The following TBXAS1 variants were observed in gnomAD, a reference collection of about 807,000 sequenced individuals.
TBXAS1 encodes the protein thromboxane-A synthase.
Under a neutral mutation model 60.7 loss-of-function variants are expected in TBXAS1, and 48 were observed. The ratio of observed to expected loss-of-function variants is 0.79; its 90% CI spans 0.63 to 1.01. The LOEUF (loss-of-function observed/expected upper bound fraction) is 1.01. Among genes scored for constraint, TBXAS1 ranks in the 50% least tolerant of loss-of-function variants. TBXAS1 has a pLI of 0.00. For synonymous variants in TBXAS1, 287 were observed against 269.7 expected, an observed-to-expected ratio of 1.06 and a Z score of -0.63; for missense variants, 685 against 686.3, an observed-to-expected ratio of 1.00 and a Z score of 0.02.
chr7:139,910,066 C>A (rs976148036), intron 3 of TBXAS1, among the ~76,000 whole-genome samples: 2 of 152,180 alleles, frequency 1.3e-5, no homozygotes, highest in African/African-American at 4.8e-5. Flanking sequence ...CTCTGGGAAG[C>A]CTTCAGTCTC....
In TBXAS1 at chr7:139,962,038, T is replaced by C. The variant is rs532938264; in HGVS notation, c.939T>C (p.Pro313=). 6.2e-7 allele frequency: 1 copy of C among 1,614,226 alleles called. No homozygotes were observed. The highest frequency in any genetic ancestry group is 8.5e-7 in the Non-Finnish European group (1 of 1,180,030). ...VFSSTGCKPN[P]SRQHQPSPMA... ...CCTCTACTGGGTGCAAGCCGAACCC[T>C]TCCCGGCAACACCAGCCCAGCCCTA... Residue 313 remains proline, a synonymous_variant, in exon 9 of 13, where the codon CCT becomes CCC. Transcript: ENST00000448866.
chr7:139,939,938 C>T (rs375785993), intron 5 of TBXAS1, among the ~76,000 whole-genome samples: 4 of 152,174 alleles, frequency 2.6e-5, no homozygotes, highest in Non-Finnish European at 5.9e-5. Context: ...AAACGTGAAA[C>T]CAATGTATGT....
intron 4 of TBXAS1, among the ~76,000 whole-genome samples, chr7:139,790,787 G>A (rs1797357995): frequency 6.6e-6 from 1 of 152,140 alleles, no homozygotes; most frequent in South Asian, 2.1e-4. Flanking sequence ...ATGATTGACT[G>A]ATACAGGTTT....
intron 4 of TBXAS1, among the ~76,000 whole-genome samples, chr7:139,927,520 T>C (rs1359369528): frequency 1.3e-5 from 2 of 152,204 alleles, no homozygotes; most frequent in Non-Finnish European, 2.9e-5. Flanking sequence ...TTATTTTCAA[T>C]TGGTTAATCT....
chr7:140,002,266 C>T (rs1353420790), intron 9 of TBXAS1, among the ~76,000 whole-genome samples: 1 of 152,208 alleles, frequency 6.6e-6, no homozygotes, highest in Non-Finnish European at 1.5e-5. Context: ...GCACCTGGTC[C>T]CGCACCTGAC....
intron 1 of TBXAS1, among the ~76,000 whole-genome samples, chr7:139,779,401 T>C (rs569319239): frequency 1.6e-4 from 24 of 152,298 alleles, no homozygotes; most frequent in African/African-American, 5.5e-4. Context: ...TCCCTTCTCT[T>C]AACCTAATGC....
chr7:139,863,536 A>T (rs544904980), intron 1 of TBXAS1, among the ~76,000 whole-genome samples: 1 of 152,354 alleles, frequency 6.6e-6, no homozygotes, highest in Admixed American at 6.5e-5. Context: ...TGTACATCTT[A>T]TAGCACATTG....
rs76649526 is a variant in TBXAS1, at chr7:140,000,902, A to C, written c.1135-6189A>C. Among the ~76,000 whole-genome samples the C allele has an allele frequency of 2.5e-3, 383 of 152,344 alleles. 1 individual carries two copies. The highest frequency in any genetic ancestry group is 8.9e-3 in the African/African-American group (368 of 41,572). On this transcript the variant is annotated intron_variant, in intron 9 of 12. Transcript: ENST00000448866. The stretch of plus-strand genomic sequence containing the variant: ...GTTCAAACAGAAATATCACCTGCTT[A>C]GGAGGTACTTTCCAGTTGCCAAAGA...
At chr7:139,958,551 A>C (rs1032934853) in intron 8 of TBXAS1, among the ~76,000 whole-genome samples, 2 of 152,264 alleles carry the variant, frequency 1.3e-5, no homozygotes, top group Non-Finnish European at 2.9e-5. Flanking sequence ...TGGCTCGTGC[A>C]AGATGCAACT....
At chr7:139,862,581 A>G (rs1801047365) in intron 1 of TBXAS1, among the ~76,000 whole-genome samples, 1 of 152,226 alleles carries the variant, frequency 6.6e-6, no homozygotes, top group Admixed American at 6.5e-5. Context: ...AAGAAAAATA[A>G]GGCAATGGCC....
intron 9 of TBXAS1, among the ~76,000 whole-genome samples, chr7:139,963,282 C>A (rs867592480): frequency 2.0e-5 from 3 of 152,288 alleles, no homozygotes; most frequent in African/African-American, 4.8e-5. Context: ...ATTTATTGAG[C>A]CTAGACGGAA....
At chr7:139,875,732 C>T (rs1039176271) in intron 3 of TBXAS1, 95 bp downstream of exon 3, 73 of 1,448,196 alleles carry the variant, frequency 5.0e-5, no homozygotes, top group Non-Finnish European at 6.9e-5. Flanking sequence ...AGAAGAAATG[C>T]CAAGATTAGG....
chr7:139,965,870 C>T (rs1368169798), intron 9 of TBXAS1, among the ~76,000 whole-genome samples: 3 of 151,192 alleles, frequency 2.0e-5, no homozygotes, highest in African/African-American at 4.9e-5. Flanking sequence ...TTCTTTCTTT[C>T]CTTCTTTTAT....
chr7:139,926,583 T>C (rs1404684546), intron 4 of TBXAS1, among the ~76,000 whole-genome samples: 1 of 151,822 alleles, frequency 6.6e-6, no homozygotes, highest in Non-Finnish European at 1.5e-5. Context: ...AAACCAACTT[T>C]TTATTTTGTC....
chr7:139,961,404 C>G (rs530701245), intron 8 of TBXAS1, among the ~76,000 whole-genome samples: 1 of 152,296 alleles, frequency 6.6e-6, no homozygotes, highest in South Asian at 2.1e-4. Context: ...AAACCAACCA[C>G]CAACCAACAG....
intron 9 of TBXAS1, among the ~76,000 whole-genome samples, chr7:139,986,406 AT>A (rs1356071118): frequency 6.6e-6 from 1 of 152,052 alleles, no homozygotes; most frequent in Non-Finnish European, 1.5e-5. Flanking sequence ...AACAGGTGGT[AT>A]TTGGTTACAT....
chr7:140,007,423 A>C (rs535052102), intron 10 of TBXAS1, among the ~76,000 whole-genome samples: 96 of 152,260 alleles, frequency 6.3e-4, no homozygotes, highest in African/African-American at 2.0e-3. Context: ...TCCCCAGCCC[A>C]AGCTGGCCCT....
chr7:139,780,741 C>G (rs576975154), exon 2 of TBXAS1: 3 of 154,458 alleles, frequency 1.9e-5, no homozygotes, highest in Non-Finnish European at 4.4e-5. Flanking sequence ...TTTCCTTAGG[C>G]TCACAGAACA....
At chr7:140,000,154 C>G (rs929978567) in intron 9 of TBXAS1, among the ~76,000 whole-genome samples, 1 of 152,102 alleles carries the variant, frequency 6.6e-6, no homozygotes, top group Non-Finnish European at 1.5e-5. Flanking sequence ...CGATAGATTG[C>G]CCATAGAGTT....
Sources: allele counts gnomAD v4.1 joint callset (sites outside exome capture counted in the v4.1 genomes callset), GRCh38; gene constraint gnomAD v4.1.1; transcripts MANE v1.5; gene names NCBI Gene and HGNC (gene_info 2026-07-23, HGNC 2026-07-21).